P2RY12: variants seen among roughly 807,000 people sequenced by gnomAD.
P2RY12 encodes the protein P2Y purinoceptor 12.
Under a neutral mutation model 4.5 loss-of-function variants are expected in P2RY12, and 3 were observed. The observed-to-expected ratio is 0.67, with a 90% confidence interval of 0.31 to 1.74. P2RY12 has a LOEUF of 1.74. Ranked by LOEUF, P2RY12 falls within the 40% of genes most tolerant of loss-of-function variation. The pLI, the probability that P2RY12 is intolerant of heterozygous loss-of-function variation, is 0.09. For missense variants in P2RY12, 356 were observed against 407.8 expected, an observed-to-expected ratio of 0.87 and a Z score of 1.09; for synonymous variants, 148 against 154.1, an observed-to-expected ratio of 0.96 and a Z score of 0.29.
At position 151,366,686 on chromosome 3, in the gene P2RY12, AGTTG is replaced by A. The variant is rs1421655903; in HGVS notation, c.-180+18002_-180+18005del. ...TTATACATCTTTACACCTGCCTCTC[AGTTG>A]AAGGTTGACTTCTGAATTCTGCTAA... On this transcript the variant is annotated intron_variant, in intron 1 of 2. Transcript: ENST00000302632. Among the ~76,000 whole-genome samples, 4 of 152,240 alleles carry A rather than the reference AGTTG, an allele frequency of 2.6e-5. No homozygotes were observed. In the East Asian group the frequency reaches 7.7e-4, roughly 29 times the overall value.
At chr3:151,357,137 A>G (rs3732759) in intron 1 of P2RY12, 457,356 of 1,266,616 alleles carry the variant, frequency 0.36, 84,139 homozygotes, top group East Asian at 0.39. Flanking sequence ...CAGTATATCT[A>G]TGGTTTATAA....
intron 1 of P2RY12, among the ~76,000 whole-genome samples, chr3:151,348,639 T>A (rs554464596): frequency 6.6e-6 from 1 of 151,010 alleles, no homozygotes; most frequent in Non-Finnish European, 1.5e-5. Context: ...GGGTGGGGAA[T>A]AGATAGATTG....
chr3:151,369,281 C>T (rs1426660653), intron 1 of P2RY12, among the ~76,000 whole-genome samples: 1 of 152,124 alleles, frequency 6.6e-6, no homozygotes, highest in East Asian at 1.9e-4. Context: ...GAATACTGGC[C>T]ATGTTTCTTA....
chr3:151,348,314 G>A (rs371269816), intron 1 of P2RY12, among the ~76,000 whole-genome samples: 24 of 127,542 alleles, frequency 1.9e-4, no homozygotes, highest in African/African-American at 6.9e-4. Flanking sequence ...CCTTCCTAGG[G>A]TTCATATGTA....
At position 151,354,409 on chromosome 3, in the gene P2RY12, T is replaced by A. The variant is rs575967289; in HGVS notation, c.-179-13649A>T. Among the ~76,000 whole-genome samples, 12 of 152,266 alleles carry A rather than the reference T, an allele frequency of 7.9e-5. No individual in the cohort carries two copies. In the East Asian group the frequency reaches 2.1e-3, roughly 27 times the overall value. Reference sequence around the variant, plus strand: ...GATAAACATGTCACTTCTTCATTAATGTGGAATGATTTAATTTTTTGCCAC... The same window carrying A: ...GATAAACATGTCACTTCTTCATTAAAGTGGAATGATTTAATTTTTTGCCAC... On this transcript the variant is annotated intron_variant, in intron 1 of 2. Coordinates refer to ENST00000302632, the MANE Select transcript of P2RY12 (RefSeq NM_022788.5).
intron 1 of P2RY12, chr3:151,350,021 G>T: frequency 6.3e-7 from 1 of 1,594,624 alleles, no homozygotes; most frequent in Non-Finnish European, 8.6e-7. Context: ...CCCCACCCCT[G>T]CAGACAAGAG....
chr3:151,338,939 G>A, intron 2 of P2RY12, 80 bp from the exon 3 acceptor site: 1 of 1,244,546 alleles, frequency 8.0e-7, no homozygotes, highest in Non-Finnish European at 1.2e-6. Context: ...AACTTTTTTG[G>A]ACACAGCCTC....
At chr3:151,365,834 T>G (rs190373963) in intron 1 of P2RY12, 2 of 1,600,238 alleles carry the variant, frequency 1.2e-6, no homozygotes, top group East Asian at 4.5e-5. Flanking sequence ...TTCTGTGTCT[T>G]CTTTTTCTTT....
intron 1 of P2RY12, chr3:151,360,487 G>A: frequency 6.2e-7 from 1 of 1,612,440 alleles, no homozygotes. Context: ...GTGTGGTGTG[G>A]TCAAGCATGT....
chr3:151,366,237 C>T (rs1755252692), intron 1 of P2RY12, among the ~76,000 whole-genome samples: 1 of 152,066 alleles, frequency 6.6e-6, no homozygotes, highest in African/African-American at 2.4e-5. Context: ...TCTTTGTTTC[C>T]TGAAATTTCC....
rs148538586 is a variant in P2RY12, at chr3:151,375,970, C to CATAT, written c.-180+8718_-180+8721dup. The CATAT allele has an allele frequency of 3.5e-4, 287 of 813,148 alleles. 3 individuals carry two copies. The African/African-American group carries it at 4.6e-3, about 13-fold the overall frequency. 50.4% of individuals were successfully genotyped at this position (813,148 alleles called of 1,614,324 possible). ...TGCACTGTGGATTTAGTACATATTG[C>CATAT]ATATATATATACCGAAAGCCAGTGC... On this transcript the variant is annotated intron_variant, in intron 1 of 2. Coordinates refer to ENST00000302632, the MANE Select transcript of P2RY12 (RefSeq NM_022788.5).
chr3:151,372,555 T>C, intron 1 of P2RY12: 1 of 1,610,842 alleles, frequency 6.2e-7, no homozygotes, highest in South Asian at 1.1e-5. Flanking sequence ...CTTTTGTGAT[T>C]CTATTACTTA....
At chr3:151,357,403 T>C in intron 1 of P2RY12, 1 of 1,536,968 alleles carries the variant, frequency 6.5e-7, no homozygotes, top group Non-Finnish European at 8.8e-7. Flanking sequence ...TCATTGTTGT[T>C]TTTCCAATCT....
At chr3:151,371,402 T>G (rs1156363190) in intron 1 of P2RY12, among the ~76,000 whole-genome samples, 2 of 152,258 alleles carry the variant, frequency 1.3e-5, no homozygotes, top group Non-Finnish European at 1.5e-5. Context: ...GCTCCTGAAG[T>G]GATCTATTAA....
chr3:151,363,039 A>G (rs1754810063), intron 1 of P2RY12, among the ~76,000 whole-genome samples: 1 of 151,720 alleles, frequency 6.6e-6, no homozygotes, highest in African/African-American at 2.4e-5. Context: ...GACCCTTAAT[A>G]CTCCTGCAGT....
chr3:151,349,104 A>G (rs965835355), intron 1 of P2RY12, among the ~76,000 whole-genome samples: 3 of 152,272 alleles, frequency 2.0e-5, no homozygotes, highest in Non-Finnish European at 4.4e-5. Flanking sequence ...GGAAGATTAT[A>G]AGATCCAAGA....
chr3:151,347,782 G>C (rs907038689), intron 1 of P2RY12, among the ~76,000 whole-genome samples: 9 of 152,082 alleles, frequency 5.9e-5, no homozygotes, highest in African/African-American at 1.9e-4. Flanking sequence ...CTTTATCCCA[G>C]GTTTTCTCAC....
chr3:151,345,244 C>T (rs1219847432), intron 1 of P2RY12, among the ~76,000 whole-genome samples: 2 of 152,184 alleles, frequency 1.3e-5, no homozygotes, highest in African/African-American at 2.4e-5. Context: ...GGTAGCCTGA[C>T]GTCTCCTGTA....
chr3:151,343,973 A>G (rs557443365), intron 1 of P2RY12, among the ~76,000 whole-genome samples: 2 of 152,220 alleles, frequency 1.3e-5, no homozygotes, highest in Non-Finnish European at 2.9e-5. Context: ...GAGGGTGTGT[A>G]TTTTAAAGCA....
Sources: gnomAD v4.1 joint callset for allele counts (sites outside exome capture counted in the v4.1 genomes callset) on GRCh38, gnomAD v4.1.1 for gene constraint, MANE v1.5 for transcripts, NCBI Gene and HGNC (gene_info 2026-07-23, HGNC 2026-07-21) for gene names.